Variants in SMIM10L3 observed in about 807,000 individuals in gnomAD.
SMIM10L3 encodes the protein salivary gland specific protein SAGSIN1.
At chr7:6,330,527 G>T in the SMIM10L3 span, 2 of 1,614,154 alleles carry the variant, frequency 1.2e-6, no homozygotes, top group South Asian at 2.2e-5. Flanking sequence ...AGGAAAATGC[G>T]TTTTGTCTCC....
the SMIM10L3 span, chr7:6,348,660 G>A: frequency 8.8e-5 from 45 of 510,580 alleles, no homozygotes; most frequent in Non-Finnish European, 1.1e-5. Context: ...CGAAGAAGAT[G>A]AGCAGCGTGC....
chr7:6,335,060 C>G, the SMIM10L3 span, among the ~76,000 whole-genome samples: 1 of 151,846 alleles, frequency 6.6e-6, no homozygotes, highest in South Asian at 2.1e-4. Flanking sequence ...AGCCACCGCA[C>G]CCAGCCAGTG....
At chr7:6,342,509 A>G in the SMIM10L3 span, among the ~76,000 whole-genome samples, 1 of 152,146 alleles carries the variant, frequency 6.6e-6, no homozygotes, top group African/African-American at 2.4e-5. Context: ...ATTGCACTGC[A>G]GCCTGGGTGA....
At chr7:6,344,121 G>A in the SMIM10L3 span, among the ~76,000 whole-genome samples, 6 of 151,084 alleles carry the variant, frequency 4.0e-5, no homozygotes, top group African/African-American at 1.5e-4. Context: ...GGCCTCAAGC[G>A]AGGGTAAAGC....
chr7:6,331,348 G>A, the SMIM10L3 span: 3 of 631,606 alleles, frequency 4.7e-6, no homozygotes, highest in Non-Finnish European at 8.2e-6. Flanking sequence ...ACAGTCTCCA[G>A]TACAGGGTTT....
the SMIM10L3 span, among the ~76,000 whole-genome samples, chr7:6,335,710 G>T: frequency 6.6e-6 from 1 of 151,972 alleles, no homozygotes; most frequent in Non-Finnish European, 1.5e-5. Context: ...TGATAGAATT[G>T]TGACCATTAT....
the SMIM10L3 span, among the ~76,000 whole-genome samples, chr7:6,335,121 G>A: frequency 6.6e-6 from 1 of 151,796 alleles, no homozygotes; most frequent in Non-Finnish European, 1.5e-5. Context: ...GGACCGTAGT[G>A]GTGCAATCTT....
the SMIM10L3 span, among the ~76,000 whole-genome samples, chr7:6,340,936 T>C: frequency 8.5e-6 from 1 of 117,862 alleles, no homozygotes; most frequent in Non-Finnish European, 1.6e-5. Context: ...GCTGTCATCC[T>C]GCCTAACATG....
the SMIM10L3 span, among the ~76,000 whole-genome samples, chr7:6,339,463 T>C: frequency 6.6e-6 from 1 of 151,722 alleles, no homozygotes; most frequent in East Asian, 1.9e-4. Context: ...TCTGCCCCTA[T>C]AAAACCAGCT....
At chr7:6,345,045 CTGCGCCCGGCCAG>C in the SMIM10L3 span, among the ~76,000 whole-genome samples, 1 of 152,062 alleles carries the variant, frequency 6.6e-6, no homozygotes, top group African/African-American at 2.4e-5. Context: ...CGCCCGGCCA[CTGCGCCCGGCCAG>C]AGTTTAGCTT....
At chr7:6,335,838 C>T in the SMIM10L3 span, among the ~76,000 whole-genome samples, 1,271 of 152,090 alleles carry the variant, frequency 8.4e-3, 14 homozygotes, top group African/African-American at 0.029. Context: ...GGTGTGAGAC[C>T]AGCCTGGGCA....
chr7:6,340,147 A>C, the SMIM10L3 span, among the ~76,000 whole-genome samples: 1 of 152,066 alleles, frequency 6.6e-6, no homozygotes, highest in African/African-American at 2.4e-5. Context: ...GGCCTCCCAA[A>C]GTGCTGGGAT....
chr7:6,329,531 A>T, the SMIM10L3 span: 1 of 153,178 alleles, frequency 6.5e-6, no homozygotes, highest in Non-Finnish European at 1.5e-5. Context: ...TGCAATCGAT[A>T]ATCCCGAAAA....
At chr7:6,343,438 AT>A in the SMIM10L3 span, among the ~76,000 whole-genome samples, 1 of 121,230 alleles carries the variant, frequency 8.2e-6, no homozygotes, top group Non-Finnish European at 1.8e-5. Context: ...ATATATATAT[AT>A]ATATATGATC....
the SMIM10L3 span, chr7:6,329,481 A>C: frequency 6.5e-6 from 1 of 152,704 alleles, no homozygotes; most frequent in Non-Finnish European, 1.5e-5. Flanking sequence ...CTAAAATAGC[A>C]CATGGCATAG....
At chr7:6,341,130 CA>C in the SMIM10L3 span, among the ~76,000 whole-genome samples, 1 of 143,988 alleles carries the variant, frequency 6.9e-6, no homozygotes, top group Admixed American at 7.0e-5. Flanking sequence ...GGCGACACAG[CA>C]AGACTCTGTC....
the SMIM10L3 span, among the ~76,000 whole-genome samples, chr7:6,333,769 T>TA: frequency 4.7e-5 from 7 of 148,618 alleles, no homozygotes; most frequent in African/African-American, 1.5e-4. Flanking sequence ...GAAGAACAAG[T>TA]GTCTTTTTTT....
At chr7:6,333,909 C>G in the SMIM10L3 span, among the ~76,000 whole-genome samples, 3 of 145,234 alleles carry the variant, frequency 2.1e-5, no homozygotes, top group East Asian at 4.2e-4. Context: ...TGCAGTGGCG[C>G]CATCTCAGCT....
At chr7:6,342,220 C>T in the SMIM10L3 span, among the ~76,000 whole-genome samples, 1 of 151,892 alleles carries the variant, frequency 6.6e-6, no homozygotes, top group Non-Finnish European at 1.5e-5. Context: ...TTCTTACTTT[C>T]TCTTTCTCTC....
Sources: allele counts gnomAD v4.1 joint callset (sites outside exome capture counted in the v4.1 genomes callset), GRCh38; gene constraint gnomAD v4.1.1; transcripts MANE v1.5; gene names NCBI Gene and HGNC (gene_info 2026-07-23, HGNC 2026-07-21).